LRRC38: variants seen among roughly 807,000 people sequenced by gnomAD.
LRRC38 encodes leucine rich repeat containing 38.
In LRRC38, 5 loss-of-function variants were observed where a neutral mutation model predicts 16.4. The observed-to-expected ratio is 0.31, with a 90% CI of 0.16 to 0.64. The LOEUF (loss-of-function observed/expected upper bound fraction) is 0.64. LRRC38 is among the 30% of genes least tolerant of loss of function. The pLI, the probability that LRRC38 is intolerant of heterozygous loss-of-function variation, is 0.80. For synonymous variants in LRRC38, 191 were observed against 190.2 expected (o/e 1.00, Z -0.04); for missense variants, 341 against 401.8 (o/e 0.85, Z 1.29).
At chr1:13,477,083 C>T (rs188124617) in intron 1 of LRRC38, among the ~76,000 whole-genome samples, 207 of 152,014 alleles carry the variant, frequency 1.4e-3, no homozygotes, top group African/African-American at 4.7e-3. Context: ...CTAGACTGGG[C>T]GACAGAGCGA....
intron 1 of LRRC38, among the ~76,000 whole-genome samples, chr1:13,484,987 G>A (rs1233419416): frequency 1.3e-5 from 2 of 152,168 alleles, no homozygotes; most frequent in East Asian, 3.8e-4. Context: ...CCTTAAGAAT[G>A]CTTGCACAGG....
chr1:13,479,399 A>G (rs1318578664), intron 1 of LRRC38, among the ~76,000 whole-genome samples: 1 of 152,240 alleles, frequency 6.6e-6, no homozygotes, highest in Non-Finnish European at 1.5e-5. Context: ...AGGAAGCGGT[A>G]TCAACCGGAA....
chr1:13,509,030 G>GCC (rs1252285921), intron 1 of LRRC38, among the ~76,000 whole-genome samples: 1 of 152,142 alleles, frequency 6.6e-6, no homozygotes, highest in Non-Finnish European at 1.5e-5. Context: ...GGGTACCCAA[G>GCC]CCCCCGAATG....
chr1:13,500,807 T>A (rs1639138264), intron 1 of LRRC38, among the ~76,000 whole-genome samples: 1 of 152,214 alleles, frequency 6.6e-6, no homozygotes, highest in East Asian at 1.9e-4. Flanking sequence ...GGTTATAAAG[T>A]GAACGCCAGA....
chr1:13,502,927 C>A (rs572962652), intron 1 of LRRC38, among the ~76,000 whole-genome samples: 2 of 152,232 alleles, frequency 1.3e-5, no homozygotes, highest in African/African-American at 4.8e-5. Context: ...TGGGGTCTTA[C>A]GAAAAAGCAA....
At chr1:13,492,012 C>T (rs761865474) in intron 1 of LRRC38, among the ~76,000 whole-genome samples, 2 of 152,030 alleles carry the variant, frequency 1.3e-5, no homozygotes, top group East Asian at 1.9e-4. Flanking sequence ...GTTTCTCTAG[C>T]GTTGTTACAT....
Position 13,485,009 on chromosome 1 carries a change from G to A in LRRC38, c.632-8910C>T, listed in dbSNP as rs375651770. Reference sequence around the variant, plus strand: ...AATGCTTGCACAGGCCAGGCACGGTGGCTCACGCCTGTAATCCCAGCACTT... The same window carrying A: ...AATGCTTGCACAGGCCAGGCACGGTAGCTCACGCCTGTAATCCCAGCACTT... On this transcript the variant is annotated intron_variant, in intron 1 of 1. Transcript: ENST00000376085. Among the ~76,000 whole-genome samples, 165 of 152,312 alleles carry A rather than the reference G, an allele frequency of 1.1e-3. 1 individual carries two copies. In the Middle Eastern group the frequency reaches 0.02, roughly 19 times the overall value.
At chr1:13,499,933 C>T (rs527770591) in intron 1 of LRRC38, among the ~76,000 whole-genome samples, 6 of 152,274 alleles carry the variant, frequency 3.9e-5, no homozygotes, top group Non-Finnish European at 7.4e-5. Context: ...GAACCTGCCT[C>T]CCATTCTATT....
chr1:13,500,974 C>T (rs981502813), intron 1 of LRRC38, among the ~76,000 whole-genome samples: 2 of 152,028 alleles, frequency 1.3e-5, no homozygotes, highest in African/African-American at 2.4e-5. Flanking sequence ...AACTATTCTG[C>T]GTGATTCTAT....
intron 1 of LRRC38, among the ~76,000 whole-genome samples, chr1:13,481,398 T>TTTTG: frequency 6.7e-6 from 1 of 149,758 alleles, no homozygotes; most frequent in African/African-American, 2.5e-5. Context: ...TTTTTTTTTT[T>TTTTG]GTTCTTTTTT....
intron 1 of LRRC38, among the ~76,000 whole-genome samples, chr1:13,509,563 G>A (rs1164458221): frequency 1.3e-5 from 2 of 152,080 alleles, no homozygotes; most frequent in Non-Finnish European, 2.9e-5. Flanking sequence ...TCAGGCCCAT[G>A]AGCCCAGAGC....
chr1:13,493,300 T>C (rs993777709), intron 1 of LRRC38, among the ~76,000 whole-genome samples: 7 of 151,830 alleles, frequency 4.6e-5, no homozygotes, highest in African/African-American at 1.7e-4. Context: ...AGGGCCAGGG[T>C]TGTGGTACGG....
At chr1:13,476,206 C>G in intron 1 of LRRC38, 107 bp from the exon 2 acceptor site, 1 of 1,067,670 alleles carries the variant, frequency 9.4e-7, no homozygotes, top group Non-Finnish European at 1.3e-6. Flanking sequence ...AAGCATCCTC[C>G]CAAAAATAAA....
rs1321324598 is a variant in LRRC38, at chr1:13,513,195, A to AAGCTTCACC, written c.390_398dup (p.Val131_Leu133dup). ...CCACCAGGTTGTTGTTAGCCAGGCT[A>AAGCTTCACC]AGCTTCACCAGCCTCCCGGCCGAGC... On this transcript the variant is annotated inframe_insertion, in exon 1 of 2. Transcript: ENST00000376085. The AAGCTTCACC allele has an allele frequency of 6.4e-7, 1 of 1,550,418 alleles. No individual in the cohort carries two copies. Among genetic ancestry groups the AAGCTTCACC allele is most frequent in the Admixed American group, 2.0e-5 (1 of 51,012 alleles).
At chr1:13,476,163 A>G in intron 1 of LRRC38, 64 bp from the exon 2 acceptor site, 1 of 1,502,270 alleles carries the variant, frequency 6.7e-7, no homozygotes. Flanking sequence ...CTAAAAGTTG[A>G]CAAGGCAGGT....
chr1:13,497,915 G>A lies in LRRC38; in HGVS notation c.631+15048C>T, dbSNP rs183032796. Among the ~76,000 whole-genome samples, 12 of 130,656 alleles carry A rather than the reference G, an allele frequency of 9.2e-5. 1 individual carries two copies. In the East Asian group the frequency reaches 2.9e-3, roughly 32 times the overall value. The allele number at this position is 130,656 out of a possible 152,430, so 85.7% of individuals were successfully genotyped here. A position where few individuals can be genotyped will look rare whatever the true frequency, so the allele number is the denominator to read the frequency against. On this transcript the variant is annotated intron_variant, in intron 1 of 1. Coordinates refer to ENST00000376085, the MANE Select transcript of LRRC38 (RefSeq NM_001010847.2). Reference sequence around the variant, plus strand: ...GCCGAGGTTGCCGTGAGCCGAGATTGCACCATTGCACTTCAGCCTGGGCAA... The same window carrying A: ...GCCGAGGTTGCCGTGAGCCGAGATTACACCATTGCACTTCAGCCTGGGCAA...
chr1:13,511,906 A>G (rs1415496761), intron 1 of LRRC38, among the ~76,000 whole-genome samples: 1 of 152,180 alleles, frequency 6.6e-6, no homozygotes, highest in East Asian at 1.9e-4. Flanking sequence ...TGAATGCAGG[A>G]GTTCAGCACA....
Position 13,513,267 on chromosome 1 carries a change from G to A in LRRC38, c.327C>T (p.Leu109=), listed in dbSNP as rs1264782569. The A allele has an allele frequency of 9.7e-6, 15 of 1,550,460 alleles. No homozygotes were observed. The highest frequency in any genetic ancestry group is 1.3e-5 in the Non-Finnish European group (15 of 1,146,984). The stretch of plus-strand genomic sequence containing the variant: ...GGGTCAAGTTGTTGTAGCTGAGGTC[G>A]AGGAACACGAGCTTGGCCGAGCCGC... ...TFSGSAKLVF[L]DLSYNNLTQL... is the part of the protein sequence containing the mutation. Residue 109 remains leucine, a synonymous_variant, in exon 1 of 2, where the codon CTC becomes CTT. Transcript: ENST00000376085.
At chr1:13,510,270 G>A (rs1308536235) in intron 1 of LRRC38, among the ~76,000 whole-genome samples, 4 of 152,148 alleles carry the variant, frequency 2.6e-5, no homozygotes, top group African/African-American at 9.7e-5. Flanking sequence ...CAGGAAGTAG[G>A]TGGTCCTCAC....
Sources: gnomAD v4.1 joint callset for allele counts (sites outside exome capture counted in the v4.1 genomes callset) on GRCh38, gnomAD v4.1.1 for gene constraint, MANE v1.5 for transcripts, NCBI Gene and HGNC (gene_info 2026-07-23, HGNC 2026-07-21) for gene names.